The following PRIMA1 variants were observed in gnomAD, a reference collection of about 807,000 sequenced individuals.
The protein encoded by PRIMA1 is proline rich membrane anchor 1.
In PRIMA1, 7 loss-of-function variants were observed where a neutral mutation model predicts 17.5. The observed-to-expected ratio is 0.40, with a 90% CI of 0.23 to 0.75. PRIMA1 has a LOEUF of 0.75. PRIMA1 is among the 30% of genes least tolerant of loss of function. The pLI is 0.37. For synonymous variants in PRIMA1, 97 were observed against 77.9 expected (o/e 1.25, Z -1.29); for missense variants, 200 against 201.8 (o/e 0.99, Z 0.05).
intron 3 of PRIMA1, among the ~76,000 whole-genome samples, chr14:93,768,652 T>C (rs999874849): frequency 6.6e-6 from 1 of 152,130 alleles, no homozygotes; most frequent in Admixed American, 6.5e-5. Context: ...AATAAATCAA[T>C]AAGTAAAGGT....
At chr14:93,745,075 G>A (rs1753573151) in intron 3 of PRIMA1, among the ~76,000 whole-genome samples, 1 of 152,160 alleles carries the variant, frequency 6.6e-6, no homozygotes, top group South Asian at 2.1e-4. Context: ...CTGTTTTGGG[G>A]CAGTCTGTCT....
intron 4 of PRIMA1, among the ~76,000 whole-genome samples, chr14:93,722,611 G>A (rs2076047176): frequency 7.0e-6 from 1 of 142,940 alleles, no homozygotes; most frequent in African/African-American, 2.5e-5. Flanking sequence ...GTTATATGGT[G>A]GTGGAGGTGG....
At chr14:93,724,482 G>A (rs889633725) in intron 4 of PRIMA1, among the ~76,000 whole-genome samples, 4 of 152,136 alleles carry the variant, frequency 2.6e-5, no homozygotes, top group African/African-American at 7.2e-5. Flanking sequence ...CTTCATCCCC[G>A]TTCCTGTCCT....
At chr14:93,770,377 G>A (rs1045304789) in intron 3 of PRIMA1, among the ~76,000 whole-genome samples, 33 of 152,214 alleles carry the variant, frequency 2.2e-4, no homozygotes, top group Non-Finnish European at 1.2e-4. Flanking sequence ...GGCCCTGTGC[G>A]GTCCGGGCAC....
chr14:93,739,596 T>C lies in PRIMA1; in HGVS notation c.230-2226A>G, dbSNP rs961125825. Reference sequence around the variant, plus strand: ...GTACCTTTGTACATTCTGTGCAGCATGAAGAAAGGTGGAAAGAAGGAAGAA... The same window carrying C: ...GTACCTTTGTACATTCTGTGCAGCACGAAGAAAGGTGGAAAGAAGGAAGAA... On this transcript the variant is annotated intron_variant, in intron 3 of 4. Coordinates refer to ENST00000393140, the MANE Select transcript of PRIMA1 (RefSeq NM_178013.4). 4.6e-5 allele frequency among the ~76,000 whole-genome samples: 7 copies of C among 152,174 alleles called. No homozygotes were observed. The South Asian group carries it at 1.5e-3, about 32-fold the overall frequency.
intron 3 of PRIMA1, among the ~76,000 whole-genome samples, chr14:93,776,231 G>A (rs1276617120): frequency 1.3e-5 from 2 of 152,156 alleles, no homozygotes; most frequent in African/African-American, 2.4e-5. Context: ...ATCCTGATAC[G>A]TGAGCCCACA....
intron 3 of PRIMA1, among the ~76,000 whole-genome samples, chr14:93,747,885 AGTGT>A (rs373915504): frequency 0.016 from 2,141 of 133,678 alleles, 50 homozygotes; most frequent in African/African-American, 0.059. Flanking sequence ...TGAGTGGGAG[AGTGT>A]GTGTATGAGT....
intron 4 of PRIMA1, among the ~76,000 whole-genome samples, chr14:93,727,489 T>C (rs2076086007): frequency 6.6e-6 from 1 of 152,106 alleles, no homozygotes; most frequent in South Asian, 2.1e-4. Flanking sequence ...GCCAGAATGG[T>C]GCTGGGGGAT....
At chr14:93,737,019 G>T (rs2076153925) in intron 4 of PRIMA1, among the ~76,000 whole-genome samples, 2 of 152,138 alleles carry the variant, frequency 1.3e-5, no homozygotes, top group Admixed American at 1.3e-4. Context: ...CAATGAAAAA[G>T]ATCAAAGGAA....
intron 3 of PRIMA1, among the ~76,000 whole-genome samples, chr14:93,750,683 A>G (rs562854407): frequency 6.6e-6 from 1 of 152,280 alleles, no homozygotes; most frequent in Admixed American, 6.5e-5. Flanking sequence ...TTTTACCCCT[A>G]ATTTAGAGGA....
chr14:93,745,881 C>A (rs2076214050), intron 3 of PRIMA1, among the ~76,000 whole-genome samples: 1 of 152,244 alleles, frequency 6.6e-6, no homozygotes, highest in Non-Finnish European at 1.5e-5. Context: ...ATCTCAGTTT[C>A]TTCCACTGTA....
chr14:93,774,036 G>A (rs1243094540), intron 3 of PRIMA1, among the ~76,000 whole-genome samples: 1 of 152,026 alleles, frequency 6.6e-6, no homozygotes, highest in Non-Finnish European at 1.5e-5. Context: ...AGATTGCAGT[G>A]AGCCGAGATC....
intron 3 of PRIMA1, among the ~76,000 whole-genome samples, chr14:93,737,775 C>T (rs1489783405): frequency 6.6e-6 from 1 of 152,248 alleles, no homozygotes; most frequent in Admixed American, 6.5e-5. Flanking sequence ...CCTCTGAGCG[C>T]CTCCATCCCT....
chr14:93,734,386 C>T (rs1250994530), intron 4 of PRIMA1, among the ~76,000 whole-genome samples: 1 of 152,208 alleles, frequency 6.6e-6, no homozygotes, highest in South Asian at 2.1e-4. Flanking sequence ...GGGAGCAATT[C>T]TTCCCCCTTC....
intron 4 of PRIMA1, among the ~76,000 whole-genome samples, chr14:93,729,687 G>C (rs1336378467): frequency 2.0e-5 from 3 of 152,236 alleles, no homozygotes; most frequent in Non-Finnish European, 4.4e-5. Flanking sequence ...AGAGAGGGCT[G>C]GGTTGGCCCC....
chr14:93,756,979 G>A (rs1352928915), intron 3 of PRIMA1, among the ~76,000 whole-genome samples: 3 of 152,276 alleles, frequency 2.0e-5, no homozygotes, highest in East Asian at 1.9e-4. Flanking sequence ...TTACATTCCC[G>A]CTCAGTGTCC....
chr14:93,786,162 A>C (rs1885518541), intron 2 of PRIMA1, among the ~76,000 whole-genome samples: 1 of 152,184 alleles, frequency 6.6e-6, no homozygotes, highest in South Asian at 2.1e-4. Flanking sequence ...AACGAAGTGA[A>C]CTCAATATCT....
At chr14:93,777,659 C>T (rs1323580624) in intron 3 of PRIMA1, among the ~76,000 whole-genome samples, 1 of 152,118 alleles carries the variant, frequency 6.6e-6, no homozygotes, top group Admixed American at 6.5e-5. Flanking sequence ...CTTAAAGACC[C>T]CTGTTACTAT....
At chr14:93,725,944 G>A in intron 4 of PRIMA1, 1 of 456,516 alleles carries the variant, frequency 2.2e-6, no homozygotes. Context: ...AAACCAAGAA[G>A]AGGCATTTCC....
Sources: allele counts gnomAD v4.1 joint callset (sites outside exome capture counted in the v4.1 genomes callset), GRCh38; gene constraint gnomAD v4.1.1; transcripts MANE v1.5; gene names NCBI Gene and HGNC (gene_info 2026-07-23, HGNC 2026-07-21).